PIK3R3: variants seen among roughly 807,000 people sequenced by gnomAD.
The protein encoded by PIK3R3 is phosphatidylinositol 3-kinase regulatory subunit gamma.
In PIK3R3, 64 loss-of-function variants were observed where a neutral mutation model predicts 62.9. The observed-to-expected ratio is 1.02, with a 90% CI of 0.83 to 1.25. The LOEUF (loss-of-function observed/expected upper bound fraction) is 1.25. Among genes scored for constraint, PIK3R3 ranks in the 50% most tolerant of loss-of-function variants. PIK3R3 has a pLI of 0.00. For synonymous variants in PIK3R3, 165 were observed against 189.0 expected (o/e 0.87, Z 1.04); for missense variants, 614 against 561.6 (o/e 1.09, Z -0.94).
At chr1:46,148,991 G>T in the PIK3R3 span, among the ~76,000 whole-genome samples, 1 of 152,100 alleles carries the variant, frequency 6.6e-6, no homozygotes, top group African/African-American at 2.4e-5. Flanking sequence ...ACAAGACACA[G>T]GTCACAAAGA....
intron 1 of PIK3R3, among the ~76,000 whole-genome samples, chr1:46,084,635 G>A (rs1300090755): frequency 6.6e-6 from 1 of 152,160 alleles, no homozygotes; most frequent in East Asian, 1.9e-4. Context: ...AATTAACAGT[G>A]TAAACTTGTG....
chr1:46,057,719 T>C (rs1231831040), intron 6 of PIK3R3, among the ~76,000 whole-genome samples: 1 of 152,198 alleles, frequency 6.6e-6, no homozygotes, highest in Non-Finnish European at 1.5e-5. Context: ...ATTTAGGATA[T>C]CTGGCGGAAG....
Position 46,132,446 on chromosome 1 carries a change from T to C in PIK3R3, c.-494A>G. On this transcript the variant is annotated 5_prime_UTR_variant, in exon 1 of 10. Coordinates refer to ENST00000262741, the MANE Select transcript of PIK3R3 (RefSeq NM_003629.4). ...TTCAAGTTTCGGGGTCCCACTGGTC[T>C]GCAGAGAGCGAATCCCCCAGAGGCC... The C allele has an allele frequency of 8.4e-7, 1 of 1,187,934 alleles. No homozygotes were observed. Among genetic ancestry groups the C allele is most frequent in the Non-Finnish European group, 1.1e-6 (1 of 941,684 alleles). The allele number at this position is 1,187,934 out of a possible 1,614,324, so 73.6% of individuals were successfully genotyped here.
chr1:46,103,535 C>T (rs1353087538), intron 1 of PIK3R3, among the ~76,000 whole-genome samples: 1 of 151,948 alleles, frequency 6.6e-6, no homozygotes, highest in East Asian at 1.9e-4. Context: ...TGCTACTGCA[C>T]TCTAGCCTGG....
Position 46,055,811 on chromosome 1 carries a change from G to A in PIK3R3, c.925C>T (p.Arg309Ter), listed in dbSNP as rs968243629. 24 of 1,589,402 alleles carry A rather than the reference G, an allele frequency of 1.5e-5. No individual in the cohort carries two copies. The highest frequency in any genetic ancestry group is 2.3e-5 in the East Asian group (1 of 43,962). The change falls in exon 7 of 10, where the codon CGA (arginine) becomes TGA (stop). Residue 309 changes from arginine to a stop codon, truncating the protein, a stop_gained. Coordinates refer to ENST00000262741, the MANE Select transcript of PIK3R3 (RefSeq NM_003629.4). LOFTEE classifies it high-confidence loss of function. ...KPDLIQLRKI[R>*]DQHLVWLNHK... is the part of the protein sequence containing the mutation. ...ACTACTTACACAAGGTGTTGATCTCGGATCTTTCGCAGCTGGATCAGGTCA... is the reference window on the plus strand; with the variant it reads ...ACTACTTACACAAGGTGTTGATCTCAGATCTTTCGCAGCTGGATCAGGTCA...
the PIK3R3 span, among the ~76,000 whole-genome samples, chr1:46,151,644 C>G: frequency 6.6e-6 from 1 of 152,196 alleles, no homozygotes; most frequent in African/African-American, 2.4e-5. Context: ...CCCTGATGCT[C>G]TTCAACTTTA....
At chr1:46,101,976 T>C (rs1652723167) in intron 1 of PIK3R3, among the ~76,000 whole-genome samples, 1 of 143,128 alleles carries the variant, frequency 7.0e-6, no homozygotes, top group South Asian at 2.2e-4. Context: ...CATTGAATTG[T>C]ATACTTTTTT....
chr1:46,066,245 A>G, intron 4 of PIK3R3, 66 bp from the exon 5 acceptor site: 1 of 1,165,580 alleles, frequency 8.6e-7, no homozygotes, highest in Non-Finnish European at 1.2e-6. Context: ...TAGATTTTCC[A>G]CATCTATTTT....
At chr1:46,046,662 A>ATGG in intron 7 of PIK3R3, 37 bp from the exon 8 acceptor site, 1 of 1,429,530 alleles carries the variant, frequency 7.0e-7, no homozygotes, top group Non-Finnish European at 9.9e-7. Context: ...GTATCCATGC[A>ATGG]AACTCTGACT....
intron 1 of PIK3R3, among the ~76,000 whole-genome samples, chr1:46,109,875 C>T (rs1042252886): frequency 1.3e-5 from 2 of 152,166 alleles, no homozygotes; most frequent in South Asian, 2.1e-4. Flanking sequence ...AGTTCCACCA[C>T]CACATACAGG....
chr1:46,111,582 C>T (rs995417000), intron 1 of PIK3R3, among the ~76,000 whole-genome samples: 1 of 151,972 alleles, frequency 6.6e-6, no homozygotes, highest in Admixed American at 6.6e-5. Context: ...AAAAATTAGC[C>T]GCGTGTAGCT....
At chr1:46,057,959 G>A (rs564190044) in intron 6 of PIK3R3, among the ~76,000 whole-genome samples, 1 of 152,214 alleles carries the variant, frequency 6.6e-6, no homozygotes, top group Non-Finnish European at 1.5e-5. Context: ...TTCAGGGCAT[G>A]TCAGAGGTCT....
chr1:46,055,238 A>C (rs1056840651), intron 7 of PIK3R3, among the ~76,000 whole-genome samples: 4 of 151,774 alleles, frequency 2.6e-5, no homozygotes, highest in Non-Finnish European at 5.9e-5. Flanking sequence ...CCTCCTGAGT[A>C]GCTGGGATTA....
intron 5 of PIK3R3, among the ~76,000 whole-genome samples, chr1:46,063,431 G>A (rs1648701685): frequency 6.6e-6 from 1 of 152,138 alleles, no homozygotes; most frequent in Non-Finnish European, 1.5e-5. Flanking sequence ...CAAATATCTT[G>A]GTACTAATTC....
chr1:46,060,837 AT>A (rs766497099), intron 6 of PIK3R3, among the ~76,000 whole-genome samples: 1 of 152,248 alleles, frequency 6.6e-6, no homozygotes, highest in Non-Finnish European at 1.5e-5. Flanking sequence ...TGTGGTCCTA[AT>A]ATGAGAAATA....
intron 1 of PIK3R3, among the ~76,000 whole-genome samples, chr1:46,105,414 G>A (rs1000154662): frequency 4.6e-5 from 7 of 151,770 alleles, no homozygotes; most frequent in Non-Finnish European, 1.0e-4. Context: ...CAGGAGAATC[G>A]CTCGAACTGA....
At chr1:46,073,360 G>C (rs1020535997) in intron 3 of PIK3R3, among the ~76,000 whole-genome samples, 11 of 152,130 alleles carry the variant, frequency 7.2e-5, no homozygotes, top group African/African-American at 1.4e-4. Flanking sequence ...CTACAGAGAA[G>C]GGCAATCATG....
At chr1:46,057,339 T>C (rs1464026692) in intron 6 of PIK3R3, 1 of 152,312 alleles carries the variant, frequency 6.6e-6, no homozygotes, top group East Asian at 1.9e-4. Flanking sequence ...GGTATTTCCT[T>C]ATCAGCAGCA....
At chr1:46,172,228 G>A in the PIK3R3 span, among the ~76,000 whole-genome samples, 2 of 152,168 alleles carry the variant, frequency 1.3e-5, no homozygotes, top group Non-Finnish European at 2.9e-5. Flanking sequence ...CAGGCACTGT[G>A]AGGTGTGGTC....
Sources: allele counts gnomAD v4.1 joint callset (sites outside exome capture counted in the v4.1 genomes callset), GRCh38; gene constraint gnomAD v4.1.1; transcripts MANE v1.5; gene names NCBI Gene and HGNC (gene_info 2026-07-23, HGNC 2026-07-21).